ATG13: variants seen among roughly 807,000 people sequenced by gnomAD.
ATG13 encodes autophagy related 13.
In ATG13, 23 loss-of-function variants were observed where a neutral mutation model predicts 65.5. That is an observed-to-expected ratio of 0.35 (90% confidence interval 0.25 to 0.50). The LOEUF (loss-of-function observed/expected upper bound fraction) is 0.50, where lower values mean the gene tolerates loss of function less well. Among genes scored for constraint, ATG13 ranks in the 20% least tolerant of loss-of-function variants. The pLI is 0.98. For missense variants in ATG13, 566 were observed against 677.0 expected, an observed-to-expected ratio of 0.84 and a Z score of 1.82; for synonymous variants, 252 against 245.2, an observed-to-expected ratio of 1.03 and a Z score of -0.26.
intron 1 of ATG13, among the ~76,000 whole-genome samples, chr11:46,620,374 C>G (rs1054478897): frequency 6.6e-6 from 1 of 151,644 alleles, no homozygotes; most frequent in Admixed American, 6.6e-5. Flanking sequence ...GGATTACAGG[C>G]GTGAGCCACC....
At chr11:46,657,769 G>T (rs1174557329) in intron 10 of ATG13, 147 bp downstream of exon 10, 2 of 656,084 alleles carry the variant, frequency 3.0e-6, no homozygotes. Flanking sequence ...GAAATCAAAT[G>T]GGCCAGTTTC....
intron 1 of ATG13, among the ~76,000 whole-genome samples, chr11:46,629,696 C>T (rs538956199): frequency 2.0e-5 from 3 of 152,188 alleles, no homozygotes; most frequent in South Asian, 4.2e-4. Context: ...CATGCCTGGC[C>T]GACCCTGCTT....
At position 46,672,512 on chromosome 11, in the gene ATG13, G is replaced by A. The variant is rs139847951; in HGVS notation, c.*180G>A. 1.1e-5 allele frequency: 16 copies of A among 1,471,096 alleles called. No homozygotes were observed. The highest frequency in any genetic ancestry group is 4.9e-4 in the Middle Eastern group (2 of 4,078). 91.1% of individuals were successfully genotyped at this position (1,471,096 alleles called of 1,614,324 possible). On this transcript the variant is annotated 3_prime_UTR_variant, in exon 19 of 19. Transcript: ENST00000683050. ...ACCTCCTGGAGACTCCGTGGCGGCA[G>A]TCAAGCCCAGTGCCCAGTTGGAGAA...
intron 11 of ATG13, among the ~76,000 whole-genome samples, chr11:46,661,186 T>G (rs1032586373): frequency 1.3e-5 from 2 of 152,078 alleles, no homozygotes; most frequent in African/African-American, 4.8e-5. Flanking sequence ...ATTAAAAAAT[T>G]TTTTCCATCT....
chr11:46,653,762 G>T (rs1441441624), intron 7 of ATG13, among the ~76,000 whole-genome samples: 2 of 151,228 alleles, frequency 1.3e-5, no homozygotes, highest in East Asian at 3.9e-4. Flanking sequence ...GTAGAGACGG[G>T]GTTTCACCAT....
chr11:46,651,176 G>A (rs1417271594), intron 7 of ATG13, among the ~76,000 whole-genome samples: 1 of 152,122 alleles, frequency 6.6e-6, no homozygotes, highest in Non-Finnish European at 1.5e-5. Flanking sequence ...TTAATGTAGT[G>A]AGGAAAACAA....
intron 2 of ATG13, 87 bp from the exon 3 acceptor site, chr11:46,644,192 T>C (rs2056926785): frequency 9.9e-7 from 1 of 1,013,916 alleles, no homozygotes; most frequent in African/African-American, 1.6e-5. Flanking sequence ...ATTCCTAGGC[T>C]AGTAGACAAT....
Position 46,626,503 on chromosome 11 carries a change from G to A in ATG13, c.-69-3542G>A, listed in dbSNP as rs372231785. ...GACCTCAGGTGATCCGTCCGCCTCCGCCTCCCAGAGTGCTGGGATTACAAG... is the reference window on the plus strand; with the variant it reads ...GACCTCAGGTGATCCGTCCGCCTCCACCTCCCAGAGTGCTGGGATTACAAG... On this transcript the variant is annotated intron_variant, in intron 1 of 18. Coordinates refer to ENST00000683050, the MANE Select transcript of ATG13 (RefSeq NM_001346311.2). Among the ~76,000 whole-genome samples the A allele has an allele frequency of 6.5e-4, 99 of 152,234 alleles. 1 individual carries two copies. The highest frequency in any genetic ancestry group is 2.2e-3 in the African/African-American group (93 of 41,554).
At chr11:46,630,245 G>A (rs2051215779) in intron 2 of ATG13, 145 bp downstream of exon 2, 1 of 152,234 alleles carries the variant, frequency 6.6e-6, no homozygotes, top group Admixed American at 6.5e-5. Flanking sequence ...ACCTAGAGGA[G>A]GAATTTTAAC....
intron 1 of ATG13, among the ~76,000 whole-genome samples, chr11:46,628,670 C>A (rs1386818980): frequency 6.6e-6 from 1 of 152,080 alleles, no homozygotes; most frequent in Non-Finnish European, 1.5e-5. Flanking sequence ...GTTAACTGTT[C>A]ATTGTTAATA....
intron 1 of ATG13, among the ~76,000 whole-genome samples, chr11:46,626,751 A>G (rs935279354): frequency 2.6e-5 from 4 of 152,198 alleles, no homozygotes; most frequent in Non-Finnish European, 5.9e-5. Flanking sequence ...TATTCCTATA[A>G]TGGTTACAAA....
chr11:46,633,752 G>A (rs1307221257), intron 2 of ATG13, among the ~76,000 whole-genome samples: 1 of 152,070 alleles, frequency 6.6e-6, no homozygotes, highest in Non-Finnish European at 1.5e-5. Context: ...TCCAGGTTAC[G>A]GTGAGCTATG....
intron 18 of ATG13, among the ~76,000 whole-genome samples, chr11:46,670,381 A>T (rs2063437472): frequency 6.6e-6 from 1 of 151,668 alleles, no homozygotes; most frequent in Non-Finnish European, 1.5e-5. Flanking sequence ...CTCGGGAGGC[A>T]GAGGCAGGAG....
At chr11:46,664,406 G>C (rs968753667) in intron 12 of ATG13, among the ~76,000 whole-genome samples, 1 of 152,068 alleles carries the variant, frequency 6.6e-6, no homozygotes, top group African/African-American at 2.4e-5. Context: ...CCATACCCAG[G>C]GGTGATGGAG....
rs150162002 is a variant in ATG13 at position 46,650,010 on chromosome 11, G to A, written c.318-167G>A. ...GGTGCCTTTTGGTGCTCATTTGCCTGTGTCTAGTACATGAGAAAGTAAAAC... is the reference window on the plus strand; with the variant it reads ...GGTGCCTTTTGGTGCTCATTTGCCTATGTCTAGTACATGAGAAAGTAAAAC... On this transcript the variant is annotated intron_variant, in intron 6 of 18. Transcript: ENST00000683050. 3.6e-3 allele frequency among the ~76,000 whole-genome samples: 545 copies of A among 152,276 alleles called. 1 individual carries two copies. The highest frequency in any genetic ancestry group is 6.8e-3 in the Middle Eastern group (2 of 294).
chr11:46,656,939 A>G, intron 8 of ATG13, 156 bp from the exon 9 acceptor site: 1 of 666,070 alleles, frequency 1.5e-6, no homozygotes, highest in East Asian at 2.6e-5. Context: ...ACACACACAC[A>G]CACACACACA....
Position 46,659,252 on chromosome 11 carries a change from C to G in ATG13, c.696-140C>G. 5 of 624,034 alleles carry G rather than the reference C, an allele frequency of 8.0e-6. No homozygotes were observed. The East Asian group carries it at 1.1e-4, about 14-fold the overall frequency. The allele number at this position is 624,034 out of a possible 1,614,324, so 38.7% of individuals were successfully genotyped here. ...GGAATGTTTGAAATTATTGAGGACT[C>G]CACATGCCTTTCTTGCCAGTACGAA... On this transcript the variant is annotated intron_variant, in intron 10 of 18. Coordinates refer to ENST00000683050, the MANE Select transcript of ATG13 (RefSeq NM_001346311.2).
intron 2 of ATG13, among the ~76,000 whole-genome samples, chr11:46,636,031 C>T (rs1405450187): frequency 6.6e-6 from 1 of 152,038 alleles, no homozygotes; most frequent in Non-Finnish European, 1.5e-5. Context: ...TCTTTTTAAC[C>T]AAAATTAGGA....
intron 14 of ATG13, among the ~76,000 whole-genome samples, chr11:46,665,797 C>CTCCTTTT (rs1359597606): frequency 1.1e-5 from 1 of 87,776 alleles, no homozygotes; most frequent in African/African-American, 4.9e-5. Flanking sequence ...TTTATTTTTC[C>CTCCTTTT]TTTTTTTTTT....
Sources: gnomAD v4.1 joint callset for allele counts (sites outside exome capture counted in the v4.1 genomes callset) on GRCh38, gnomAD v4.1.1 for gene constraint, MANE v1.5 for transcripts, NCBI Gene and HGNC (gene_info 2026-07-23, HGNC 2026-07-21) for gene names.